BMPR1B: variants seen among roughly 807,000 people sequenced by gnomAD.
BMPR1B encodes bone morphogenetic protein receptor type-1B.
A neutral mutation model predicts 59.1 loss-of-function variants in BMPR1B; 12 were observed. The observed-to-expected ratio is 0.20, with a 90% CI of 0.13 to 0.33. The LOEUF (loss-of-function observed/expected upper bound fraction) is 0.33, where lower values mean the gene tolerates loss of function less well. Among genes scored for constraint, BMPR1B ranks in the 10% least tolerant of loss-of-function variants. The pLI, the probability that BMPR1B is intolerant of heterozygous loss-of-function variation, is 1.00. For synonymous variants in BMPR1B, 237 were observed against 207.3 expected, an observed-to-expected ratio of 1.14 and a Z score of -1.23; for missense variants, 550 against 610.9, an observed-to-expected ratio of 0.90 and a Z score of 1.05.
At chr4:94,948,153 C>T (rs1021973439) in intron 2 of BMPR1B, among the ~76,000 whole-genome samples, 1 of 152,190 alleles carries the variant, frequency 6.6e-6, no homozygotes. Flanking sequence ...TCTTCCTGGT[C>T]ATAGCTTAAT....
intron 1 of BMPR1B, among the ~76,000 whole-genome samples, chr4:94,769,353 G>A (rs1722084257): frequency 6.6e-6 from 1 of 152,216 alleles, no homozygotes; most frequent in Non-Finnish European, 1.5e-5. Flanking sequence ...GCTCACGCCT[G>A]TAATCCTAGC....
intron 3 of BMPR1B, among the ~76,000 whole-genome samples, chr4:95,017,442 A>G (rs10018945): frequency 0.68 from 103,203 of 152,036 alleles, 35,510 homozygotes; most frequent in Middle Eastern, 0.8. Flanking sequence ...CATATCTAAA[A>G]GCAATGTTAG....
chr4:94,987,151 TATATAC>T (rs1167623115), intron 2 of BMPR1B, among the ~76,000 whole-genome samples: 4 of 144,682 alleles, frequency 2.8e-5, no homozygotes, highest in Non-Finnish European at 6.0e-5. Context: ...ATATAATGTA[TATATAC>T]ATATACATAT....
intron 3 of BMPR1B, among the ~76,000 whole-genome samples, chr4:95,104,181 T>G (rs1467723120): frequency 1.3e-5 from 2 of 152,116 alleles, no homozygotes. Context: ...ATTTAATACA[T>G]AAAATATCCT....
intron 3 of BMPR1B, among the ~76,000 whole-genome samples, chr4:95,005,278 A>AT (rs1306400575): frequency 1.3e-5 from 2 of 152,196 alleles, no homozygotes; most frequent in Non-Finnish European, 2.9e-5. Context: ...TTAATAAAAT[A>AT]TTTTTTGTGA....
At chr4:95,090,553 A>C (rs1218993394) in intron 3 of BMPR1B, among the ~76,000 whole-genome samples, 1 of 152,088 alleles carries the variant, frequency 6.6e-6, no homozygotes, top group East Asian at 1.9e-4. Flanking sequence ...CTTTTATGAC[A>C]AAAGAACAAC....
At chr4:95,061,073 C>T (rs1007173729) in intron 3 of BMPR1B, among the ~76,000 whole-genome samples, 4 of 151,468 alleles carry the variant, frequency 2.6e-5, no homozygotes, top group African/African-American at 7.3e-5. Flanking sequence ...ACTTTTTACC[C>T]TATCTTGCTT....
intron 1 of BMPR1B, among the ~76,000 whole-genome samples, chr4:94,846,830 G>A (rs7692197): frequency 0.63 from 95,458 of 151,178 alleles, 31,529 homozygotes; most frequent in African/African-American, 0.84. Flanking sequence ...TGACACCCCA[G>A]ACTGTGAAAC....
intron 3 of BMPR1B, among the ~76,000 whole-genome samples, chr4:95,052,823 G>A (rs561368453): frequency 1.3e-5 from 2 of 152,204 alleles, no homozygotes; most frequent in African/African-American, 4.8e-5. Flanking sequence ...GGAATGATAG[G>A]TATTTCATCA....
intron 2 of BMPR1B, among the ~76,000 whole-genome samples, chr4:94,898,554 T>C (rs904242954): frequency 6.6e-6 from 1 of 152,064 alleles, no homozygotes; most frequent in Admixed American, 6.6e-5. Context: ...TGCCACCATG[T>C]GAAGAAGGAC....
chr4:94,847,005 A>C (rs889609957), intron 1 of BMPR1B, among the ~76,000 whole-genome samples: 1 of 152,192 alleles, frequency 6.6e-6, no homozygotes, highest in Non-Finnish European at 1.5e-5. Context: ...AACAAAGTGA[A>C]GAGACAAACC....
chr4:95,140,547 C>G (rs1281189119), intron 10 of BMPR1B, among the ~76,000 whole-genome samples: 4 of 152,108 alleles, frequency 2.6e-5, no homozygotes, highest in African/African-American at 9.7e-5. Context: ...AGAATCACCT[C>G]TAAGTCACTT....
intron 3 of BMPR1B, among the ~76,000 whole-genome samples, chr4:95,103,831 A>T (rs1730992094): frequency 1.3e-5 from 2 of 152,086 alleles, no homozygotes; most frequent in Non-Finnish European, 2.9e-5. Context: ...ATGTGTCTTG[A>T]TATTAACTAA....
intron 1 of BMPR1B, among the ~76,000 whole-genome samples, chr4:94,845,325 A>T (rs1001405255): frequency 7.3e-5 from 11 of 150,356 alleles, no homozygotes; most frequent in African/African-American, 2.0e-4. Context: ...GATGAGACTG[A>T]CAATAACCAA....
chr4:94,902,455 T>C (rs1007219384), intron 2 of BMPR1B, among the ~76,000 whole-genome samples: 3 of 151,950 alleles, frequency 2.0e-5, no homozygotes, highest in Non-Finnish European at 4.4e-5. Context: ...TATTTATCTC[T>C]AGAGAGGAAG....
rs571921494 is a variant in BMPR1B, at chr4:95,011,736, G to T, written c.-18+15602G>T. On this transcript the variant is annotated intron_variant, in intron 3 of 12. Coordinates refer to ENST00000515059, the MANE Select transcript of BMPR1B (RefSeq NM_001203.3). Reference sequence around the variant, plus strand: ...TGTTGCCAAGGAAAAAGAAAAGATGGGGTTGGGTGCAGTGGCTCACGGCTG... The same window carrying T: ...TGTTGCCAAGGAAAAAGAAAAGATGTGGTTGGGTGCAGTGGCTCACGGCTG... 2.0e-5 allele frequency among the ~76,000 whole-genome samples: 3 copies of T among 152,110 alleles called. No homozygotes were observed. In the East Asian group the frequency reaches 5.8e-4, roughly 29 times the overall value.
intron 1 of BMPR1B, among the ~76,000 whole-genome samples, chr4:94,794,766 A>G (rs1723121902): frequency 6.6e-6 from 1 of 151,556 alleles, no homozygotes; most frequent in African/African-American, 2.4e-5. Context: ...TAGGTATTTT[A>G]TTGTCTTTGA....
chr4:95,029,242 A>C lies in BMPR1B; in HGVS notation c.-18+33108A>C, dbSNP rs867678832. 4.3e-3 allele frequency among the ~76,000 whole-genome samples: 378 copies of C among 87,708 alleles called. 1 individual carries two copies. The highest frequency in any genetic ancestry group is 0.011 in the African/African-American group (247 of 22,846). 57.5% of individuals were successfully genotyped at this position (87,708 alleles called of 152,430 possible). ...AGGTATATCTCCTAATGCTATCCCT[A>C]CCCCCTCCCCCCACCCCACAACAGT... On this transcript the variant is annotated intron_variant, in intron 3 of 12. Coordinates refer to ENST00000515059, the MANE Select transcript of BMPR1B (RefSeq NM_001203.3).
In BMPR1B at chr4:94,827,952, C is replaced by T. The variant is rs949395954; in HGVS notation, c.-182-47879C>T. The stretch of plus-strand genomic sequence containing the variant: ...CTTGCTTTTCCTTTTCTCAGTTAAC[C>T]AACTCATGCTAACACAGAGAGAAAA... On this transcript the variant is annotated intron_variant, in intron 1 of 12. Transcript: ENST00000515059. Among the ~76,000 whole-genome samples the T allele has an allele frequency of 2.0e-5, 3 of 152,242 alleles. No homozygotes were observed. In the East Asian group the frequency reaches 5.8e-4, roughly 29 times the overall value.
Sources: gnomAD v4.1 joint callset for allele counts (sites outside exome capture counted in the v4.1 genomes callset) on GRCh38, gnomAD v4.1.1 for gene constraint, MANE v1.5 for transcripts, NCBI Gene and HGNC (gene_info 2026-07-23, HGNC 2026-07-21) for gene names.